NAV2: variants seen among roughly 807,000 people sequenced by gnomAD.
The protein encoded by NAV2 is helicase, APC down-regulated 1.
NAV2 carries 54 observed loss-of-function variants against 223.2 expected under a neutral mutation model. That is an observed-to-expected ratio of 0.24 (90% CI 0.19 to 0.30). The LOEUF (loss-of-function observed/expected upper bound fraction) is 0.30. Ranked by LOEUF, NAV2 falls within the 10% of genes least tolerant of loss-of-function variation. The pLI is 1.00. For missense variants in NAV2, 2,806 were observed against 3,147.5 expected (o/e 0.89, Z 2.60); for synonymous variants, 1,279 against 1,239.3 (o/e 1.03, Z -0.67).
intron 1 of NAV2, among the ~76,000 whole-genome samples, chr11:19,568,723 G>A: frequency 6.6e-6 from 1 of 152,198 alleles, no homozygotes; most frequent in Non-Finnish European, 1.5e-5. Flanking sequence ...CAAGGTCTTA[G>A]TTACATAAGG....
intron 1 of NAV2, among the ~76,000 whole-genome samples, chr11:19,556,701 C>A (rs547762016): frequency 2.0e-5 from 3 of 152,070 alleles, no homozygotes; most frequent in Non-Finnish European, 2.9e-5. Flanking sequence ...AATTACTATA[C>A]CTATAAGGTA....
intron 1 of NAV2, among the ~76,000 whole-genome samples, chr11:19,463,815 T>C (rs1233505878): frequency 6.8e-6 from 1 of 147,972 alleles, no homozygotes. Flanking sequence ...GGACAGAGTG[T>C]GGGGGCAGGG....
upstream of NAV2, among the ~76,000 whole-genome samples, chr11:19,346,265 T>A (rs1853000642): frequency 1.3e-5 from 2 of 152,238 alleles, no homozygotes; most frequent in Admixed American, 1.3e-4. Flanking sequence ...TGCGAGTATC[T>A]GCTGTGCTTG....
At chr11:19,733,369 G>T (rs1165184388) in intron 1 of NAV2, among the ~76,000 whole-genome samples, 1 of 152,224 alleles carries the variant, frequency 6.6e-6, no homozygotes, top group East Asian at 1.9e-4. Flanking sequence ...GCTGGTAAAT[G>T]ATAGCTCCAG....
chr11:19,377,011 A>G (rs1282769854), intron 1 of NAV2, among the ~76,000 whole-genome samples: 1 of 152,192 alleles, frequency 6.6e-6, no homozygotes, highest in Non-Finnish European at 1.5e-5. Context: ...CCAGTGAAGG[A>G]ACTTTGAGTG....
chr11:19,523,249 C>T (rs2043731252), intron 1 of NAV2, among the ~76,000 whole-genome samples: 1 of 152,232 alleles, frequency 6.6e-6, no homozygotes, highest in African/African-American at 2.4e-5. Context: ...CCCGGTCCTC[C>T]TGTGTGCCTT....
At chr11:19,917,809 G>A (rs1026175387) in intron 6 of NAV2, among the ~76,000 whole-genome samples, 12 of 152,124 alleles carry the variant, frequency 7.9e-5, no homozygotes, top group Admixed American at 3.3e-4. Context: ...ACAGGGTTTC[G>A]CCATGTTGGC....
chr11:20,081,512 G>C (rs1463649452), intron 25 of NAV2, among the ~76,000 whole-genome samples: 1 of 152,176 alleles, frequency 6.6e-6, no homozygotes, highest in Non-Finnish European at 1.5e-5. Flanking sequence ...GCTTAGCTCT[G>C]TCTGATCTTT....
chr11:19,667,955 C>T (rs578144397), intron 1 of NAV2, among the ~76,000 whole-genome samples: 3 of 152,266 alleles, frequency 2.0e-5, no homozygotes, highest in African/African-American at 7.2e-5. Context: ...CACTCTCGTC[C>T]ACTGCCCTTA....
At chr11:19,461,852 C>CTGGA (rs1034964478) in intron 1 of NAV2, among the ~76,000 whole-genome samples, 31 of 152,342 alleles carry the variant, frequency 2.0e-4, no homozygotes, top group African/African-American at 7.2e-4. Flanking sequence ...CTAGACTGTG[C>CTGGA]TGGAGTGCAG....
intron 1 of NAV2, among the ~76,000 whole-genome samples, chr11:19,814,142 A>G (rs1469977117): frequency 3.9e-5 from 6 of 152,188 alleles, no homozygotes; most frequent in Non-Finnish European, 7.3e-5. Flanking sequence ...AGAAAATACA[A>G]CTGCATAAAC....
At chr11:20,093,384 C>T (rs1196279996) in intron 29 of NAV2, among the ~76,000 whole-genome samples, 185 bp downstream of exon 29, 1 of 152,158 alleles carries the variant, frequency 6.6e-6, no homozygotes, top group Non-Finnish European at 1.5e-5. Flanking sequence ...GTGCGAACGG[C>T]ATTTCCCTTT....
rs765632685 is a variant in NAV2 at position 19,935,851 on chromosome 11, G to GTTTTTTTTTTTTTTTTTTTTTTTTT, written c.2033+1598_2033+1599insTTTTTTTTTTTTTTTTTTTTTTTTT. Among the ~76,000 whole-genome samples, 70 of 52,704 alleles carry GTTTTTTTTTTTTTTTTTTTTTTTTT rather than the reference G, an allele frequency of 1.3e-3. 13 individuals are homozygous for GTTTTTTTTTTTTTTTTTTTTTTTTT. Among genetic ancestry groups the GTTTTTTTTTTTTTTTTTTTTTTTTT allele is most frequent in the Non-Finnish European group, 2.1e-3 (61 of 29,446 alleles). The allele number at this position is 52,704 out of a possible 152,430, so 34.6% of individuals were successfully genotyped here. On this transcript the variant is annotated intron_variant, in intron 7 of 37. Transcript: ENST00000349880. ...ACGGCTTTTGTTTTGTTTTGTTTCTGTTTTTTTTTTTTTTTTTTTTTTTTG... is the reference window on the plus strand; with the variant it reads ...ACGGCTTTTGTTTTGTTTTGTTTCTGTTTTTTTTTTTTTTTTTTTTTTTTTTTTTTTTTTTTTTTTTTTTTTTTTG...
intron 1 of NAV2, among the ~76,000 whole-genome samples, chr11:19,676,135 C>T (rs1248218305): frequency 6.6e-6 from 1 of 152,182 alleles, no homozygotes; most frequent in East Asian, 1.9e-4. Context: ...TGATTTCTCT[C>T]ATTTAGCTTC....
chr11:19,892,567 C>T lies in NAV2; in HGVS notation c.904C>T (p.Pro302Ser). The T allele has an allele frequency of 6.2e-7, 1 of 1,613,852 alleles. No individual in the cohort carries two copies. The highest frequency in any genetic ancestry group is 1.1e-5 in the South Asian group (1 of 90,982). ...YDKSKPVTSP[P>S]PPPSSHEKEP... ...TAAATCCAAACCAGTCACCTCCCCA[C>T]CCCCACCGCCAAGCAGCCACGAGAA... The change falls in exon 6 of 38, where the codon CCC becomes TCC. Residue 302 changes from proline to serine, a missense_variant. By Grantham distance (74) the Pro-to-Ser change is moderately conservative. Coordinates refer to ENST00000349880, the MANE Select transcript of NAV2 (RefSeq NM_145117.5).
intron 1 of NAV2, among the ~76,000 whole-genome samples, chr11:19,516,441 T>C (rs1194947680): frequency 1.3e-5 from 2 of 152,226 alleles, no homozygotes; most frequent in African/African-American, 4.8e-5. Context: ...GAGGCTTAAG[T>C]TGTGAACACT....
intron 6 of NAV2, among the ~76,000 whole-genome samples, chr11:19,900,971 C>T (rs566201219): frequency 6.6e-6 from 1 of 152,242 alleles, no homozygotes; most frequent in South Asian, 2.1e-4. Context: ...TTCTATAGCC[C>T]TAATGTTGGG....
chr11:19,564,909 C>T (rs1369270289), intron 1 of NAV2, among the ~76,000 whole-genome samples: 1 of 152,154 alleles, frequency 6.6e-6, no homozygotes, highest in African/African-American at 2.4e-5. Context: ...CAGAGGCTGG[C>T]GGATCACCTG....
intron 1 of NAV2, among the ~76,000 whole-genome samples, chr11:19,759,820 A>G (rs143450495): frequency 5.7e-4 from 87 of 152,220 alleles, no homozygotes; most frequent in Non-Finnish European, 9.9e-4. Flanking sequence ...TCATTATTCA[A>G]TGAATGATTG....
Sources: gnomAD v4.1 joint callset for allele counts (sites outside exome capture counted in the v4.1 genomes callset) on GRCh38, gnomAD v4.1.1 for gene constraint, MANE v1.5 for transcripts, NCBI Gene and HGNC (gene_info 2026-07-23, HGNC 2026-07-21) for gene names.